KCNQ5: variants seen among roughly 807,000 people sequenced by gnomAD.
KCNQ5 encodes the protein potassium voltage-gated channel subfamily Q member 5, also known as potassium voltage-gated channel subfamily KQT member 5.
A neutral mutation model predicts 98.2 loss-of-function variants in KCNQ5; 30 were observed. That is an observed-to-expected ratio of 0.31 (90% confidence interval 0.23 to 0.41). KCNQ5 has a LOEUF of 0.41. Ranked by LOEUF, KCNQ5 falls within the 10% of genes least tolerant of loss-of-function variation. The pLI, the probability that KCNQ5 is intolerant of heterozygous loss-of-function variation, is 1.00. For missense variants in KCNQ5, 835 were observed against 1,182.5 expected (o/e 0.71, Z 4.31); for synonymous variants, 458 against 449.4 (o/e 1.02, Z -0.24).
intron 1 of KCNQ5, among the ~76,000 whole-genome samples, chr6:72,870,348 T>TCACTGCAGCC (rs1336749093): frequency 6.6e-6 from 1 of 152,084 alleles, no homozygotes; most frequent in Non-Finnish European, 1.5e-5. Flanking sequence ...GATCTGCAGC[T>TCACTGCAGCC]CACTGCAGCC....
intron 1 of KCNQ5, among the ~76,000 whole-genome samples, chr6:72,663,988 C>T (rs1766657628): frequency 1.3e-5 from 2 of 152,204 alleles, no homozygotes; most frequent in South Asian, 4.1e-4. Context: ...CCCAGAGTTT[C>T]TAATTCTAAC....
intron 3 of KCNQ5, among the ~76,000 whole-genome samples, chr6:73,064,696 T>C (rs1303528318): frequency 6.6e-6 from 1 of 152,208 alleles, no homozygotes; most frequent in Non-Finnish European, 1.5e-5. Context: ...TCAAACTTTC[T>C]ATATAAAAGA....
At chr6:72,632,806 A>AT (rs56738584) in intron 1 of KCNQ5, among the ~76,000 whole-genome samples, 5,411 of 146,320 alleles carry the variant, frequency 0.037, 140 homozygotes, top group Non-Finnish European at 0.054. Flanking sequence ...TATATGTACC[A>AT]TTTTTTTTTT....
chr6:72,965,915 A>G (rs1037196923), intron 1 of KCNQ5, among the ~76,000 whole-genome samples: 3 of 152,116 alleles, frequency 2.0e-5, no homozygotes, highest in African/African-American at 7.2e-5. Context: ...TGGAAGTGCT[A>G]TTTGTGTTTA....
In KCNQ5 at chr6:72,726,208, ATTTTTT is replaced by A. The variant is rs371004096; in HGVS notation, c.398+103635_398+103640del. ...ATAAAAATCTGTTTTTTAAATTTAA[ATTTTTT>A]TTTTTTTTTTTTTCGAGATGGAGTC... is the stretch of plus-strand genomic sequence containing the variant. On this transcript the variant is annotated intron_variant, in intron 1 of 13. Coordinates refer to ENST00000370398, the MANE Select transcript of KCNQ5 (RefSeq NM_019842.4). Among the ~76,000 whole-genome samples, 725 of 142,044 alleles carry A rather than the reference ATTTTTT, an allele frequency of 5.1e-3. 4 individuals are homozygous for A. Among genetic ancestry groups the A allele is most frequent in the Non-Finnish European group, 6.2e-3 (398 of 64,614 alleles). The allele number at this position is 142,044 out of a possible 152,430, so 93.2% of individuals were successfully genotyped here.
chr6:72,711,510 G>T (rs1268938267), intron 1 of KCNQ5, among the ~76,000 whole-genome samples: 1 of 152,198 alleles, frequency 6.6e-6, no homozygotes, highest in Non-Finnish European at 1.5e-5. Context: ...TGAGAGTGGT[G>T]CCTGGGGAGA....
chr6:73,016,017 T>C (rs570121545), intron 2 of KCNQ5, among the ~76,000 whole-genome samples: 1 of 152,226 alleles, frequency 6.6e-6, no homozygotes, highest in African/African-American at 2.4e-5. Context: ...GCTGAGGAGA[T>C]AGCAATGAAC....
chr6:72,934,445 A>T lies in KCNQ5; in HGVS notation c.399-69463A>T, dbSNP rs1765817103. On this transcript the variant is annotated intron_variant, in intron 1 of 13. Transcript: ENST00000370398. ...TGATAACAGTGGTGGTGGTGGTGAT[A>T]TCCTACATTTATAAGTGTAGCTCAA... Among the ~76,000 whole-genome samples, 4 of 152,156 alleles carry T rather than the reference A, an allele frequency of 2.6e-5. No individual in the cohort carries two copies. The South Asian group carries it at 8.3e-4, about 32-fold the overall frequency.
chr6:72,808,545 A>G (rs1775068596), intron 1 of KCNQ5, among the ~76,000 whole-genome samples: 1 of 152,160 alleles, frequency 6.6e-6, no homozygotes, highest in Non-Finnish European at 1.5e-5. Flanking sequence ...CACTGTATCT[A>G]TTTAAAATAA....
At chr6:72,725,141 T>C (rs565904844) in intron 1 of KCNQ5, among the ~76,000 whole-genome samples, 47 of 152,296 alleles carry the variant, frequency 3.1e-4, no homozygotes, top group Non-Finnish European at 4.7e-4. Context: ...ATAAAAAAAA[T>C]CTTAATAGAG....
intron 3 of KCNQ5, chr6:73,055,641 C>A: frequency 1.7e-6 from 2 of 1,162,038 alleles, no homozygotes; most frequent in Non-Finnish European, 2.6e-6. Context: ...CTGACTGCAG[C>A]CCATGGCAAC....
At chr6:72,955,374 G>T (rs1405221671) in intron 1 of KCNQ5, among the ~76,000 whole-genome samples, 1 of 152,056 alleles carries the variant, frequency 6.6e-6, no homozygotes. Context: ...TCAAATTGAG[G>T]CCTTTGATTA....
chr6:72,695,466 A>G (rs977547930), intron 1 of KCNQ5, among the ~76,000 whole-genome samples: 1 of 152,146 alleles, frequency 6.6e-6, no homozygotes, highest in Non-Finnish European at 1.5e-5. Context: ...ACAACAAAAC[A>G]AAGCTTACAG....
chr6:73,063,686 T>TAGATAGATAGATAGATAGATGATA (rs55995543), intron 3 of KCNQ5, among the ~76,000 whole-genome samples: 39 of 93,286 alleles, frequency 4.2e-4, no homozygotes, highest in African/African-American at 1.2e-3. Context: ...GATAGATAGA[T>TAGATAGATAGATAGATAGATGATA]GATAGATAGA....
chr6:73,013,904 T>C (rs1770196268), intron 2 of KCNQ5, among the ~76,000 whole-genome samples: 1 of 152,138 alleles, frequency 6.6e-6, no homozygotes, highest in South Asian at 2.1e-4. Context: ...TTATCACAAA[T>C]GGGTATATCA....
intron 2 of KCNQ5, among the ~76,000 whole-genome samples, chr6:73,015,155 A>G (rs1399696813): frequency 1.3e-5 from 2 of 152,148 alleles, no homozygotes; most frequent in East Asian, 1.9e-4. Flanking sequence ...GATGTGAGGA[A>G]TGAGCAATGC....
At chr6:72,958,383 C>G (rs1037310421) in intron 1 of KCNQ5, among the ~76,000 whole-genome samples, 1 of 152,164 alleles carries the variant, frequency 6.6e-6, no homozygotes, top group Non-Finnish European at 1.5e-5. Context: ...CACTGTTTCA[C>G]AATTGTTTTT....
intron 1 of KCNQ5, among the ~76,000 whole-genome samples, chr6:72,983,478 G>A (rs1170504791): frequency 3.3e-5 from 5 of 151,982 alleles, no homozygotes; most frequent in Admixed American, 2.0e-4. Flanking sequence ...GTTGAAGCTT[G>A]TGCATGTATC....
intron 1 of KCNQ5, among the ~76,000 whole-genome samples, chr6:72,878,353 G>A (rs1355227525): frequency 6.6e-6 from 1 of 152,188 alleles, no homozygotes. Flanking sequence ...GTAACATTAT[G>A]AACTCACGAC....
Sources: allele counts gnomAD v4.1 joint callset (sites outside exome capture counted in the v4.1 genomes callset), GRCh38; gene constraint gnomAD v4.1.1; transcripts MANE v1.5; gene names NCBI Gene and HGNC (gene_info 2026-07-23, HGNC 2026-07-21).